Variants in PTPRD observed in about 807,000 individuals in gnomAD.
The protein encoded by PTPRD is receptor-type tyrosine-protein phosphatase delta.
A neutral mutation model predicts 214.5 loss-of-function variants in PTPRD; 34 were observed. The observed-to-expected ratio is 0.16, with a 90% CI of 0.12 to 0.21. The LOEUF (loss-of-function observed/expected upper bound fraction) is 0.21. PTPRD is among the 10% of genes least tolerant of loss of function. The pLI, the probability that PTPRD is intolerant of heterozygous loss-of-function variation, is 1.00. For synonymous variants in PTPRD, 1,128 were observed against 845.7 expected (o/e 1.33, Z -5.79); for missense variants, 2,545 against 2,398.7 (o/e 1.06, Z -1.27).
chr9:10,161,921 A>T (rs2099129468), intron 3 of PTPRD, among the ~76,000 whole-genome samples: 4 of 151,742 alleles, frequency 2.6e-5, no homozygotes, highest in Admixed American at 2.6e-4. Context: ...CATACAAATG[A>T]CCAAAAGTAT....
chr9:9,630,481 G>C (rs1225633325), intron 7 of PTPRD, among the ~76,000 whole-genome samples: 3 of 152,088 alleles, frequency 2.0e-5, no homozygotes, highest in African/African-American at 7.2e-5. Flanking sequence ...TGACGGAAGG[G>C]GAGGAAAGGA....
In PTPRD at chr9:8,977,223, G is replaced by A. The variant is rs527975321; in HGVS notation, c.-104+41474C>T. On this transcript the variant is annotated intron_variant, in intron 11 of 45. Coordinates refer to ENST00000381196, the MANE Select transcript of PTPRD (RefSeq NM_002839.4). ...TGCTGGTTTAACTGACTAATTTACCGTCTTCAAATTTTAACCTTTTGCAAA... is the reference window on the plus strand; with the variant it reads ...TGCTGGTTTAACTGACTAATTTACCATCTTCAAATTTTAACCTTTTGCAAA... Among the ~76,000 whole-genome samples, 12 of 152,044 alleles carry A rather than the reference G, an allele frequency of 7.9e-5. No homozygotes were observed. The South Asian group carries it at 1.7e-3, about 21-fold the overall frequency.
chr9:9,271,748 C>G (rs1420736697), intron 9 of PTPRD, among the ~76,000 whole-genome samples: 1 of 151,158 alleles, frequency 6.6e-6, no homozygotes, highest in African/African-American at 2.4e-5. Flanking sequence ...TTTTCTGAGA[C>G]TAACATCAAA....
intron 7 of PTPRD, among the ~76,000 whole-genome samples, chr9:9,636,828 A>C (rs892988956): frequency 6.6e-6 from 1 of 152,182 alleles, no homozygotes. Flanking sequence ...TTATAAACAT[A>C]AATTTGTTTC....
At position 9,630,221 on chromosome 9, in the gene PTPRD, G is replaced by A. The variant is rs985522763; in HGVS notation, c.-286-55440C>T. ...AGTGAAGATAAGCTCTTCTTAATGGGGATAGGTTGGAGGTTGCCACCATTT... is the reference window on the plus strand; with the variant it reads ...AGTGAAGATAAGCTCTTCTTAATGGAGATAGGTTGGAGGTTGCCACCATTT... On this transcript the variant is annotated intron_variant, in intron 7 of 45. Coordinates refer to ENST00000381196, the MANE Select transcript of PTPRD (RefSeq NM_002839.4). Among the ~76,000 whole-genome samples the A allele has an allele frequency of 1.3e-5, 2 of 152,196 alleles. 1 individual carries two copies. The highest frequency in any genetic ancestry group is 1.3e-4 in the Admixed American group (2 of 15,270).
At chr9:9,425,530 C>A (rs1252542360) in intron 8 of PTPRD, among the ~76,000 whole-genome samples, 3 of 148,636 alleles carry the variant, frequency 2.0e-5, no homozygotes, top group Non-Finnish European at 4.5e-5. Flanking sequence ...TGGCAAAAAT[C>A]ACAATTACTT....
intron 8 of PTPRD, among the ~76,000 whole-genome samples, chr9:9,529,550 G>A (rs1404139983): frequency 6.6e-6 from 1 of 151,986 alleles, no homozygotes; most frequent in Non-Finnish European, 1.5e-5. Context: ...AGTCATTGGA[G>A]AAATGCAAAA....
At chr9:10,150,332 T>TA (rs1268519880) in intron 3 of PTPRD, among the ~76,000 whole-genome samples, 3 of 151,908 alleles carry the variant, frequency 2.0e-5, no homozygotes, top group African/African-American at 7.3e-5. Flanking sequence ...TATGCAGCCA[T>TA]AAAAAAGGAT....
intron 9 of PTPRD, among the ~76,000 whole-genome samples, chr9:9,236,154 G>C (rs2099966555): frequency 6.6e-6 from 1 of 152,100 alleles, no homozygotes; most frequent in African/African-American, 2.4e-5. Flanking sequence ...CCAGGAGGCT[G>C]AGGCAGGAGA....
chr9:8,861,969 T>C (rs1157682208), intron 11 of PTPRD: 3 of 152,216 alleles, frequency 2.0e-5, no homozygotes, highest in African/African-American at 7.2e-5. Flanking sequence ...CTTCTACGTG[T>C]GTTTCTATTT....
At chr9:10,475,109 G>C (rs1476842852) in intron 2 of PTPRD, among the ~76,000 whole-genome samples, 3 of 152,074 alleles carry the variant, frequency 2.0e-5, no homozygotes, top group Non-Finnish European at 4.4e-5. Flanking sequence ...TCAAAAGCTA[G>C]CAGAAGACAA....
intron 2 of PTPRD, among the ~76,000 whole-genome samples, chr9:10,452,718 T>C (rs1399311232): frequency 1.3e-5 from 2 of 151,848 alleles, no homozygotes; most frequent in African/African-American, 4.8e-5. Context: ...CTTATATATT[T>C]TGGATTTTGC....
chr9:10,204,074 C>A (rs2099451323), intron 3 of PTPRD, among the ~76,000 whole-genome samples: 1 of 152,106 alleles, frequency 6.6e-6, no homozygotes, highest in South Asian at 2.1e-4. Context: ...CCAGCTTGTG[C>A]CATTGCTGCT....
chr9:9,845,363 T>G (rs1294658363), intron 5 of PTPRD, among the ~76,000 whole-genome samples: 3 of 151,574 alleles, frequency 2.0e-5, no homozygotes, highest in African/African-American at 7.3e-5. Flanking sequence ...CACAAAAGAC[T>G]TTGGCAGTGT....
At chr9:8,991,190 G>A (rs1743670652) in intron 11 of PTPRD, among the ~76,000 whole-genome samples, 1 of 148,584 alleles carries the variant, frequency 6.7e-6, no homozygotes, top group South Asian at 2.1e-4. Context: ...TTGCACTCCA[G>A]CCTGGGTGAC....
intron 2 of PTPRD, among the ~76,000 whole-genome samples, chr9:10,462,072 A>G (rs990436172): frequency 1.3e-5 from 2 of 152,166 alleles, no homozygotes; most frequent in Non-Finnish European, 2.9e-5. Flanking sequence ...GGATTAACAC[A>G]TTGAGAGATT....
At chr9:8,578,932 T>A (rs551272899) in intron 14 of PTPRD, among the ~76,000 whole-genome samples, 1 of 152,354 alleles carries the variant, frequency 6.6e-6, no homozygotes, top group East Asian at 1.9e-4. Context: ...TATTGTGTAC[T>A]ACTTCTGTCA....
intron 2 of PTPRD, among the ~76,000 whole-genome samples, chr9:10,582,549 G>A (rs1261076911): frequency 1.3e-5 from 2 of 152,064 alleles, no homozygotes; most frequent in Non-Finnish European, 1.5e-5. Context: ...TCTCAGAGTT[G>A]ACAACACCCT....
At chr9:8,988,846 A>G (rs1050937849) in intron 11 of PTPRD, among the ~76,000 whole-genome samples, 2 of 152,080 alleles carry the variant, frequency 1.3e-5, no homozygotes, top group East Asian at 3.9e-4. Context: ...TTTCTTCTAC[A>G]CAGAATTGTT....
Sources: gnomAD v4.1 joint callset for allele counts (sites outside exome capture counted in the v4.1 genomes callset) on GRCh38, gnomAD v4.1.1 for gene constraint, MANE v1.5 for transcripts, NCBI Gene and HGNC (gene_info 2026-07-23, HGNC 2026-07-21) for gene names.